Variants in SLC29A2 observed in about 807,000 individuals in gnomAD.
The protein encoded by SLC29A2 is equilibrative nucleoside transporter 2.
In SLC29A2, 37 loss-of-function variants were observed where a neutral mutation model predicts 48.8. That is an observed-to-expected ratio of 0.76 (90% CI 0.58 to 1.00). SLC29A2 has a LOEUF of 1.00. SLC29A2 is among the 50% of genes least tolerant of loss of function. SLC29A2 has a pLI of 0.00. For missense variants in SLC29A2, 533 were observed against 578.6 expected (o/e 0.92, Z 0.81); for synonymous variants, 233 against 261.7 (o/e 0.89, Z 1.06).
intron 2 of SLC29A2, among the ~76,000 whole-genome samples, chr11:66,370,943 A>C (rs1019184195): frequency 3.3e-5 from 5 of 151,982 alleles, no homozygotes; most frequent in Admixed American, 2.6e-4. Context: ...CAAACGTTCG[A>C]TAACCGACTT....
In SLC29A2 at chr11:66,369,351, C is replaced by T; in HGVS notation, c.275+18G>A. ...GCTGCCTCGGCAGAGGGCGCAGGAG[C>T]CAGGGCAGGCCTCTCACCACTGGTA... On this transcript the variant is annotated intron_variant, in intron 3 of 11. Transcript: ENST00000357440. 6.2e-7 allele frequency: 1 copy of T among 1,613,692 alleles called. No individual in the cohort carries two copies. Among genetic ancestry groups the T allele is most frequent in the Non-Finnish European group, 8.5e-7 (1 of 1,179,862 alleles).
In SLC29A2 at chr11:66,368,630, C is replaced by A; in HGVS notation, c.457G>T (p.Gly153Cys). The A allele has an allele frequency of 6.2e-7, 1 of 1,604,110 alleles. No homozygotes were observed. Residue 153 changes from glycine to cysteine, a missense_variant, in exon 5 of 12, where the codon GGC (glycine) becomes TGC (cysteine). Coordinates refer to ENST00000357440, the MANE Select transcript of SLC29A2 (RefSeq NM_001532.3). The stretch of plus-strand genomic sequence containing the variant: ...GTGCTGTAGGTGGAGGGCATGGTGC[C>A]CAGCTGCCCGAAGAGGCTGCCCTGT... ...VLQGSLFGQL[G>C]TMPSTYSTLF... is the part of the protein sequence containing the mutation.
At chr11:66,372,396 C>A (rs1856107875), upstream of SLC29A2, among the ~76,000 whole-genome samples, 1 of 152,214 alleles carries the variant, frequency 6.6e-6, no homozygotes, top group South Asian at 2.1e-4. Flanking sequence ...CTCTGCAATC[C>A]CCGGGCGTAT....
chr11:66,371,108 G>A (rs1469473689), intron 2 of SLC29A2, 136 bp downstream of exon 2: 2 of 758,284 alleles, frequency 2.6e-6, no homozygotes, highest in Non-Finnish European at 4.6e-6. Flanking sequence ...TCCCCTCTCC[G>A]AGCTTCAGCC....
chr11:66,369,781 T>C (rs1231274778), intron 2 of SLC29A2, among the ~76,000 whole-genome samples: 2 of 152,172 alleles, frequency 1.3e-5, no homozygotes, highest in South Asian at 2.1e-4. Flanking sequence ...CGGCCCCTCC[T>C]CTTCAGTGCC....
rs756972839 is a variant in SLC29A2 at position 66,363,550 on chromosome 11, A to T, written c.1260-3T>A. The T allele has an allele frequency of 3.1e-6, 5 of 1,608,688 alleles. No individual in the cohort carries two copies. Among genetic ancestry groups the T allele is most frequent in the Non-Finnish European group, 4.3e-6 (5 of 1,176,352 alleles). ...CCCTCTCGTGTGGCAGCACCTGCCT[A>T]GAACACCCGGGAACAGGAGCTCTTA... On this transcript the variant is annotated splice_region_variant and splice_polypyrimidine_tract_variant and intron_variant, in intron 11 of 11. Coordinates refer to ENST00000357440, the MANE Select transcript of SLC29A2 (RefSeq NM_001532.3).
chr11:66,369,496 T>G lies in SLC29A2; in HGVS notation c.148A>C (p.Thr50Pro). 6.2e-7 allele frequency: 1 copy of G among 1,613,950 alleles called. No homozygotes were observed. The highest frequency in any genetic ancestry group is 1.1e-5 in the South Asian group (1 of 91,082). ...TGGTTGGTGCTCAGGATCCTGGCTG[T>G]GCTGTTGCCGGCCCCGGCCAGTCGC... Reference protein sequence around the residue: ...QARLAGAGNSTARILSTNHTG... With the variant: ...QARLAGAGNSPARILSTNHTG... The change falls in exon 3 of 12, where the codon ACA becomes CCA. Residue 50 changes from threonine to proline, a missense_variant. Coordinates refer to ENST00000357440, the MANE Select transcript of SLC29A2 (RefSeq NM_001532.3).
At chr11:66,371,020 C>T (rs1856002973) in intron 2 of SLC29A2, among the ~76,000 whole-genome samples, 1 of 152,158 alleles carries the variant, frequency 6.6e-6, no homozygotes, top group Admixed American at 6.5e-5. Context: ...TCATTCCAGA[C>T]CCTGTGGGCT....
intron 8 of SLC29A2, 25 bp from the exon 9 acceptor site, chr11:66,366,256 A>AGCAGGCAG (rs775976928): frequency 1.2e-6 from 2 of 1,608,690 alleles, no homozygotes; most frequent in East Asian, 4.5e-5. Flanking sequence ...CAGGGGTGTG[A>AGCAGGCAG]GCAGGCAGGG....
At chr11:66,367,646 T>C in intron 6 of SLC29A2, 98 bp from the exon 7 acceptor site, 2 of 1,483,182 alleles carry the variant, frequency 1.3e-6, no homozygotes, top group African/African-American at 2.8e-5. Context: ...CCCCTCAGTG[T>C]CTTCTCTGGG....
chr11:66,368,463 T>G (rs567186130), intron 5 of SLC29A2, 74 bp downstream of exon 5: 1,091 of 1,586,140 alleles, frequency 6.9e-4, no homozygotes, highest in Non-Finnish European at 9.0e-4. Context: ...CCATGTGTCT[T>G]GCTCTCACAT....
intron 2 of SLC29A2, among the ~76,000 whole-genome samples, chr11:66,369,795 G>A (rs1296965984): frequency 1.3e-5 from 2 of 152,174 alleles, no homozygotes; most frequent in African/African-American, 2.4e-5. Flanking sequence ...CAGTGCCCTG[G>A]TTCCAGCCCC....
chr11:66,369,737 G>C (rs569334633), intron 2 of SLC29A2, among the ~76,000 whole-genome samples: 2 of 152,178 alleles, frequency 1.3e-5, no homozygotes, highest in Non-Finnish European at 2.9e-5. Context: ...TAAGCATTAA[G>C]AGCCCCCAGC....
intron 11 of SLC29A2, 150 bp downstream of exon 11, chr11:66,364,075 C>T (rs1278084593): frequency 8.5e-6 from 6 of 702,966 alleles, no homozygotes; most frequent in Admixed American, 2.4e-5. Flanking sequence ...AGGCTTGGCC[C>T]AGTAGGGGGC....
At position 66,366,557 on chromosome 11, in the gene SLC29A2, G is replaced by T. The variant is rs781690791; in HGVS notation, c.741C>A (p.Asn247Lys). ...TKAELLQSDE[N>K]GIPSSPQKVA... ...CTTTCTGGGGACTACTGGGAATCCCGTTCTCATCTGGGGTGAGGGGGGACG... is the reference window on the plus strand; with the variant it reads ...CTTTCTGGGGACTACTGGGAATCCCTTTCTCATCTGGGGTGAGGGGGGACG... The change falls in exon 8 of 12, where the codon AAC (asparagine) becomes AAA (lysine). Residue 247 changes from asparagine (N) to lysine (K), a missense_variant. By Grantham distance (94) the Asn-to-Lys change is moderately conservative. Coordinates refer to ENST00000357440, the MANE Select transcript of SLC29A2 (RefSeq NM_001532.3). 4.3e-6 allele frequency: 7 copies of T among 1,613,602 alleles called. No homozygotes were observed. In the East Asian group the frequency reaches 1.1e-4, roughly 26 times the overall value.
chr11:66,368,707 A>G (rs1214162112), intron 4 of SLC29A2, 36 bp from the exon 5 acceptor site: 1 of 1,579,206 alleles, frequency 6.3e-7, no homozygotes, highest in Non-Finnish European at 8.6e-7. Context: ...CTGCTCAACT[A>G]GGCAAGACTC....
chr11:66,371,200 T>A (rs1302851378), intron 2 of SLC29A2, 44 bp downstream of exon 2: 2 of 1,559,224 alleles, frequency 1.3e-6, no homozygotes, highest in East Asian at 4.5e-5. Context: ...GAGGGAGGGG[T>A]GCTGGCTGTG....
chr11:66,369,721 A>G (rs576386727), intron 2 of SLC29A2, among the ~76,000 whole-genome samples, 189 bp from the exon 3 acceptor site: 187 of 152,304 alleles, frequency 1.2e-3, no homozygotes, highest in African/African-American at 4.3e-3. Context: ...AGTCTGGGAC[A>G]CAGCCTAAGC....
chr11:66,371,911 A>ACAGCCCCTCCCCG (rs1856072488), upstream of SLC29A2: 1 of 447,282 alleles, frequency 2.2e-6, no homozygotes, highest in Admixed American at 4.2e-5. Flanking sequence ...CGCTCCCCGC[A>ACAGCCCCTCCCCG]CAGCCCCTCC....
Sources: gnomAD v4.1 joint callset for allele counts (sites outside exome capture counted in the v4.1 genomes callset) on GRCh38, gnomAD v4.1.1 for gene constraint, MANE v1.5 for transcripts, NCBI Gene and HGNC (gene_info 2026-07-23, HGNC 2026-07-21) for gene names.